CNTNAP4: variants seen among roughly 807,000 people sequenced by gnomAD.
CNTNAP4 encodes contactin-associated protein-like 4.
CNTNAP4 carries 98 observed loss-of-function variants against 148.4 expected under a neutral mutation model. The observed-to-expected ratio is 0.66, with a 90% CI of 0.56 to 0.78. CNTNAP4 has a LOEUF of 0.78. Among genes scored for constraint, CNTNAP4 ranks in the 30% least tolerant of loss-of-function variants. The pLI is 0.00. For synonymous variants in CNTNAP4, 730 were observed against 565.1 expected (o/e 1.29, Z -4.14); for missense variants, 1,935 against 1,565.6 (o/e 1.24, Z -3.98).
At chr16:76,471,608 CTCT>C (rs2081379797) in intron 10 of CNTNAP4, among the ~76,000 whole-genome samples, 1 of 152,088 alleles carries the variant, frequency 6.6e-6, no homozygotes, top group African/African-American at 2.4e-5. Flanking sequence ...CGTTGTTTTC[CTCT>C]TCCTTTCTGG....
chr16:76,501,093 G>A (rs911939078), intron 15 of CNTNAP4, among the ~76,000 whole-genome samples: 24 of 152,256 alleles, frequency 1.6e-4, no homozygotes, highest in African/African-American at 4.6e-4. Flanking sequence ...TATATACATT[G>A]TAAATACTGT....
At chr16:76,334,783 G>A (rs934253838) in intron 2 of CNTNAP4, among the ~76,000 whole-genome samples, 2 of 152,008 alleles carry the variant, frequency 1.3e-5, no homozygotes, top group Non-Finnish European at 2.9e-5. Context: ...AATATTCTGA[G>A]TAAGTGTTAG....
At chr16:76,426,840 C>G (rs1198105901) in intron 3 of CNTNAP4, among the ~76,000 whole-genome samples, 1 of 152,120 alleles carries the variant, frequency 6.6e-6, no homozygotes, top group Non-Finnish European at 1.5e-5. Flanking sequence ...AGTTTAATTA[C>G]AGGTCTTTCC....
intron 15 of CNTNAP4, among the ~76,000 whole-genome samples, chr16:76,507,449 C>T (rs188529469): frequency 1.0e-5 from 1 of 96,966 alleles, no homozygotes; most frequent in African/African-American, 2.6e-5. Flanking sequence ...ATTTTTAGAC[C>T]TCACAAATAA....
Position 76,392,043 on chromosome 16 carries a change from T to C in CNTNAP4, c.391-35409T>C, listed in dbSNP as rs541032933. ...TCTCCCTCTGTCGCCCAGGCTGGAG[T>C]GAAGTGGCACAATCTCGGCTCACTG... On this transcript the variant is annotated intron_variant, in intron 3 of 23. Transcript: ENST00000611870. 2.0e-5 allele frequency among the ~76,000 whole-genome samples: 3 copies of C among 152,236 alleles called. No homozygotes were observed. In the East Asian group the frequency reaches 5.8e-4, roughly 29 times the overall value.
At chr16:76,335,281 T>C (rs1053568390) in intron 2 of CNTNAP4, among the ~76,000 whole-genome samples, 1 of 152,146 alleles carries the variant, frequency 6.6e-6, no homozygotes, top group Non-Finnish European at 1.5e-5. Flanking sequence ...TATTTCTATG[T>C]GTGAGATGAT....
chr16:76,425,254 C>T (rs1002568712), intron 3 of CNTNAP4, among the ~76,000 whole-genome samples: 2 of 152,076 alleles, frequency 1.3e-5, no homozygotes, highest in African/African-American at 2.4e-5. Flanking sequence ...GTTTGAGATG[C>T]GCTAGGTAAG....
At chr16:76,413,541 CATT>C (rs1461102876) in intron 3 of CNTNAP4, among the ~76,000 whole-genome samples, 2 of 144,298 alleles carry the variant, frequency 1.4e-5, no homozygotes, top group African/African-American at 5.0e-5. Flanking sequence ...TTTTCTATAA[CATT>C]ATAAGACTTA....
At position 76,501,798 on chromosome 16, in the gene CNTNAP4, C is replaced by T. The variant is rs191056647; in HGVS notation, c.2365+3104C>T. ...AGCACTAAGAATTTACGGCCGGGCGCGGTGGCTCACGCCTGTAATCCCAGC... is the reference window on the plus strand; with the variant it reads ...AGCACTAAGAATTTACGGCCGGGCGTGGTGGCTCACGCCTGTAATCCCAGC... On this transcript the variant is annotated intron_variant, in intron 15 of 23. Coordinates refer to ENST00000611870, the MANE Select transcript of CNTNAP4 (RefSeq NM_033401.5). Among the ~76,000 whole-genome samples the T allele has an allele frequency of 3.9e-4, 59 of 152,258 alleles. No homozygotes were observed. In the East Asian group the frequency reaches 7.9e-3, roughly 20 times the overall value.
chr16:76,538,437 A>G (rs763548432), intron 19 of CNTNAP4, 97 bp downstream of exon 19: 3 of 918,312 alleles, frequency 3.3e-6, no homozygotes, highest in Non-Finnish European at 5.1e-6. Flanking sequence ...CAAGCTACAA[A>G]CAGAAAAATG....
chr16:76,525,635 C>A (rs1247538478), intron 17 of CNTNAP4, among the ~76,000 whole-genome samples: 4 of 93,638 alleles, frequency 4.3e-5, no homozygotes, highest in African/African-American at 7.5e-5. Context: ...TAGTTTATAA[C>A]TACATATAAA....
chr16:76,369,134 A>T (rs916577365), intron 3 of CNTNAP4, among the ~76,000 whole-genome samples: 1 of 152,110 alleles, frequency 6.6e-6, no homozygotes, highest in African/African-American at 2.4e-5. Flanking sequence ...CTTCAACCTC[A>T]TTCAAAATAG....
intron 1 of CNTNAP4, among the ~76,000 whole-genome samples, chr16:76,303,512 TG>T (rs1323778986): frequency 6.6e-6 from 1 of 152,176 alleles, no homozygotes; most frequent in Non-Finnish European, 1.5e-5. Context: ...ATATCAGTAA[TG>T]GAAGTAGCAC....
intron 3 of CNTNAP4, among the ~76,000 whole-genome samples, chr16:76,366,203 C>G (rs2014103538): frequency 6.6e-6 from 1 of 152,048 alleles, no homozygotes; most frequent in African/African-American, 2.4e-5. Context: ...TAGTTAAACT[C>G]ATGTTGTACA....
chr16:76,440,684 C>G (rs2080001398), intron 4 of CNTNAP4, among the ~76,000 whole-genome samples: 1 of 152,064 alleles, frequency 6.6e-6, no homozygotes, highest in Non-Finnish European at 1.5e-5. Flanking sequence ...GGTTAGAATT[C>G]CAGAGATTCT....
chr16:76,379,781 A>G (rs1006296989), intron 3 of CNTNAP4, among the ~76,000 whole-genome samples: 4 of 152,222 alleles, frequency 2.6e-5, no homozygotes, highest in African/African-American at 9.6e-5. Flanking sequence ...TCTGACCAGG[A>G]CAATGGTCCT....
At chr16:76,554,966 T>C (rs547087192) in intron 23 of CNTNAP4, among the ~76,000 whole-genome samples, 13 of 151,932 alleles carry the variant, frequency 8.6e-5, no homozygotes, top group Non-Finnish European at 1.8e-4. Context: ...TTGTTATTTA[T>C]TCATATCATA....
At chr16:76,416,185 T>C (rs914287286) in intron 3 of CNTNAP4, among the ~76,000 whole-genome samples, 1 of 151,296 alleles carries the variant, frequency 6.6e-6, no homozygotes, top group Admixed American at 6.6e-5. Context: ...TAGAGGTTTA[T>C]CAATCTTAGC....
At chr16:76,343,996 A>G (rs957407641) in intron 2 of CNTNAP4, among the ~76,000 whole-genome samples, 5 of 152,186 alleles carry the variant, frequency 3.3e-5, no homozygotes, top group Non-Finnish European at 7.4e-5. Context: ...ACAGGAAGCA[A>G]TTCATTGTGT....
Sources: allele counts gnomAD v4.1 joint callset (sites outside exome capture counted in the v4.1 genomes callset), GRCh38; gene constraint gnomAD v4.1.1; transcripts MANE v1.5; gene names NCBI Gene and HGNC (gene_info 2026-07-23, HGNC 2026-07-21).